The following PUDP variants were observed in gnomAD, a reference collection of about 807,000 sequenced individuals.
PUDP encodes pseudouridine 5'-phosphatase.
A neutral mutation model predicts 9.4 loss-of-function variants in PUDP; 8 were observed. The observed-to-expected ratio is 0.85, with a 90% confidence interval of 0.50 to 1.53. The LOEUF (loss-of-function observed/expected upper bound fraction) is 1.53, where lower values mean the gene tolerates loss of function less well. Ranked by LOEUF, PUDP falls within the 40% of genes most tolerant of loss-of-function variation. The probability of loss-of-function intolerance (pLI) is 0.00; values close to 1 mark genes in which losing one functional copy is unlikely to be tolerated. For missense variants in PUDP, 188 were observed against 189.7 expected (o/e 0.99, Z 0.05); for synonymous variants, 99 against 80.7 (o/e 1.23, Z -1.22).
intron 3 of PUDP, among the ~76,000 whole-genome samples, chrX:6,820,533 C>T (rs941661474): frequency 1.8e-5 from 2 of 111,574 alleles, no homozygotes; most frequent in African/African-American, 6.5e-5. Flanking sequence ...GATACCATGG[C>T]GGTACAGGTA....
chrX:6,789,915 CAGATGAT>C lies in PUDP; in HGVS notation c.*248-83456_*248-83450del, dbSNP rs1450766104. Reference sequence around the variant, plus strand: ...CAAATAGAGACAGAAGATATATAGACAGATGATAGATGATAGATAGAGAAGATAGAAC... The same window carrying C: ...CAAATAGAGACAGAAGATATATAGACAGATGATAGATAGAGAAGATAGAAC... On this transcript the variant is annotated intron_variant and NMD_transcript_variant, in intron 3 of 3. Coordinates refer to the PUDP transcript ENST00000655425. Among the ~76,000 whole-genome samples, 11 of 109,214 alleles carry C rather than the reference CAGATGAT, an allele frequency of 1.0e-4. No homozygotes were observed. The Admixed American group carries it at 1.1e-3, about 11-fold the overall frequency. The allele number at this position is 109,214 out of a possible 115,157, so 94.8% of individuals were successfully genotyped here.
At chrX:7,145,683 C>A (rs1041420937) in intron 1 of PUDP, among the ~76,000 whole-genome samples, 1 of 110,055 alleles carries the variant, frequency 9.1e-6, no homozygotes, top group Non-Finnish European at 1.9e-5. Flanking sequence ...TCCTGGTCAA[C>A]ATTTCCTCTA....
At chrX:6,772,877 G>A (rs1351387694) in intron 3 of PUDP, among the ~76,000 whole-genome samples, 1 of 110,741 alleles carries the variant, frequency 9.0e-6, no homozygotes, top group Non-Finnish European at 1.9e-5. Context: ...TGACAGAGTG[G>A]GACTCTGTCT....
At chrX:7,139,653 T>C (rs1374923561) in intron 1 of PUDP, among the ~76,000 whole-genome samples, 1 of 112,140 alleles carries the variant, frequency 8.9e-6, no homozygotes, top group African/African-American at 3.2e-5. Flanking sequence ...CATAGACACA[T>C]GGAACAGTCT....
intron 3 of PUDP, among the ~76,000 whole-genome samples, chrX:6,738,269 C>T (rs1197607684): frequency 8.9e-6 from 1 of 111,860 alleles, no homozygotes; most frequent in African/African-American, 3.2e-5. Flanking sequence ...ACAAAACCAT[C>T]ATGGATGATG....
intron 3 of PUDP, among the ~76,000 whole-genome samples, chrX:6,758,583 G>A (rs1239667894): frequency 1.8e-5 from 2 of 111,605 alleles, no homozygotes; most frequent in African/African-American, 6.5e-5. Context: ...TAGATGATGG[G>A]CTGTGTGATT....
intron 1 of PUDP, among the ~76,000 whole-genome samples, chrX:7,034,317 T>C (rs1216047097): frequency 8.9e-6 from 1 of 112,109 alleles, no homozygotes; most frequent in Admixed American, 9.5e-5. Flanking sequence ...TAAGTGGTGA[T>C]ACTGAGTAAC....
intron 3 of PUDP, among the ~76,000 whole-genome samples, chrX:6,727,585 G>A (rs891595531): frequency 1.8e-5 from 2 of 111,539 alleles, no homozygotes; most frequent in Non-Finnish European, 3.8e-5. Flanking sequence ...TTAATGAGTC[G>A]ACCAATCATA....
chrX:6,802,776 T>G (rs1398079685), intron 3 of PUDP, among the ~76,000 whole-genome samples: 1 of 108,332 alleles, frequency 9.2e-6, no homozygotes, highest in Non-Finnish European at 1.9e-5. Flanking sequence ...TCCCAGCTAA[T>G]CCAGAGGCTG....
intron 1 of PUDP, among the ~76,000 whole-genome samples, chrX:7,115,653 C>A (rs747735911): frequency 8.9e-6 from 1 of 112,341 alleles, no homozygotes; most frequent in Admixed American, 9.4e-5. Context: ...ACCAGCCAAG[C>A]TTACTTAGTA....
At chrX:6,876,639 A>ATGTG (rs111935866) in intron 3 of PUDP, among the ~76,000 whole-genome samples, 19,364 of 92,525 alleles carry the variant, frequency 0.21, 1,875 homozygotes, top group Admixed American at 0.31. Flanking sequence ...CTAAAATGTT[A>ATGTG]TGTGTGTGTG....
intron 3 of PUDP, among the ~76,000 whole-genome samples, chrX:6,865,477 G>A (rs777102740): frequency 2.7e-5 from 3 of 112,048 alleles, no homozygotes; most frequent in Non-Finnish European, 5.6e-5. Context: ...AACACTTTTA[G>A]TCACTTGGTA....
intron 1 of PUDP, among the ~76,000 whole-genome samples, chrX:6,982,023 TACACAC>T (rs59016698): frequency 6.7e-4 from 58 of 86,982 alleles, no homozygotes; most frequent in Middle Eastern, 5.6e-3. Flanking sequence ...AACTTATGGA[TACACAC>T]ACACACACAC....
intron 3 of PUDP, among the ~76,000 whole-genome samples, chrX:6,795,001 T>C (rs1925820062): frequency 9.3e-6 from 1 of 108,086 alleles, no homozygotes; most frequent in Non-Finnish European, 1.9e-5. Context: ...TGTGTGAAAA[T>C]CTTTTTTATA....
intron 1 of PUDP, among the ~76,000 whole-genome samples, chrX:7,106,995 C>A (rs1449393195): frequency 8.9e-6 from 1 of 111,916 alleles, no homozygotes; most frequent in Non-Finnish European, 1.9e-5. Context: ...GGGCAGAGTC[C>A]TTGTCTTCCA....
intron 3 of PUDP, among the ~76,000 whole-genome samples, chrX:6,840,150 A>T (rs980471899): frequency 8.1e-5 from 9 of 111,113 alleles, no homozygotes; most frequent in Non-Finnish European, 1.3e-4. Context: ...GTCTCATGAG[A>T]TCTGATGGTT....
chrX:6,794,922 G>T (rs200297140), intron 3 of PUDP, among the ~76,000 whole-genome samples: 3 of 95,744 alleles, frequency 3.1e-5, no homozygotes, highest in African/African-American at 7.6e-5. Context: ...AACTTTTTAG[G>T]TTTTTTTTTT....
intron 1 of PUDP, among the ~76,000 whole-genome samples, chrX:7,008,271 T>A (rs1440927271): frequency 2.5e-4 from 28 of 111,367 alleles, no homozygotes; most frequent in East Asian, 8.4e-4. Context: ...GCCAAAAAAA[T>A]TTTTTTTAAT....
At chrX:6,777,065 A>G (rs1176241772) in intron 3 of PUDP, among the ~76,000 whole-genome samples, 1 of 112,402 alleles carries the variant, frequency 8.9e-6, no homozygotes, top group Non-Finnish European at 1.9e-5. Flanking sequence ...AAGGAAGACA[A>G]TATGGGTTAT....
Sources: gnomAD v4.1 joint callset for allele counts (sites outside exome capture counted in the v4.1 genomes callset) on GRCh38, gnomAD v4.1.1 for gene constraint, MANE v1.5 for transcripts, NCBI Gene and HGNC (gene_info 2026-07-23, HGNC 2026-07-21) for gene names.